The following RANBP2 variants were observed in gnomAD, a reference collection of about 807,000 sequenced individuals.
RANBP2 encodes the protein RAN binding protein 2.
RANBP2 carries 57 observed loss-of-function variants against 303.6 expected under a neutral mutation model. The observed-to-expected ratio is 0.19, with a 90% CI of 0.15 to 0.23. The LOEUF (loss-of-function observed/expected upper bound fraction) is 0.23, where lower values mean the gene tolerates loss of function less well. Among genes scored for constraint, RANBP2 ranks in the 10% least tolerant of loss-of-function variants. RANBP2 has a pLI of 1.00. For synonymous variants in RANBP2, 1,167 were observed against 1,301.5 expected (o/e 0.90, Z 2.23); for missense variants, 3,138 against 3,780.8 (o/e 0.83, Z 4.46).
chr2:109,456,171 C>G, the RANBP2 span, among the ~76,000 whole-genome samples: 1 of 152,222 alleles, frequency 6.6e-6, no homozygotes, highest in African/African-American at 2.4e-5. Flanking sequence ...TGGAAACCAC[C>G]TCTGCCCTGG....
At chr2:109,491,976 A>G in the RANBP2 span, among the ~76,000 whole-genome samples, 1 of 152,082 alleles carries the variant, frequency 6.6e-6, no homozygotes, top group Admixed American at 6.5e-5. Context: ...CTAGTTTTCT[A>G]TCCTCACATA....
At chr2:108,884,889 G>C in the RANBP2 span, 1 of 151,250 alleles carries the variant, frequency 6.6e-6, no homozygotes. Flanking sequence ...AAACACCTCT[G>C]CTCTGTGGCC....
At chr2:109,074,248 A>G in the RANBP2 span, among the ~76,000 whole-genome samples, 1 of 150,498 alleles carries the variant, frequency 6.6e-6, no homozygotes, top group Non-Finnish European at 1.5e-5. Flanking sequence ...AGGAGCCTGT[A>G]ATCCAGCTAC....
chr2:109,657,939 C>T, the RANBP2 span, among the ~76,000 whole-genome samples: 2 of 151,434 alleles, frequency 1.3e-5, no homozygotes, highest in Non-Finnish European at 2.9e-5. Flanking sequence ...AGGCTGGTCT[C>T]GAACTTCTGA....
the RANBP2 span, among the ~76,000 whole-genome samples, chr2:109,405,749 C>T: frequency 6.6e-6 from 1 of 152,236 alleles, no homozygotes; most frequent in South Asian, 2.1e-4. Context: ...GTCTCTTTGC[C>T]TACAGGACTT....
the RANBP2 span, among the ~76,000 whole-genome samples, chr2:108,844,826 C>A: frequency 4.0e-5 from 6 of 151,004 alleles, no homozygotes; most frequent in Admixed American, 4.0e-4. Context: ...CGGCTCACTG[C>A]AACCTCCGAC....
At chr2:109,618,645 T>C in the RANBP2 span, 1 of 166,942 alleles carries the variant, frequency 6.0e-6, no homozygotes, top group East Asian at 1.9e-4. Context: ...AAGCAAATGA[T>C]TGATATAATT....
chr2:109,437,159 G>T, the RANBP2 span: 1 of 1,602,036 alleles, frequency 6.2e-7, no homozygotes, highest in South Asian at 1.1e-5. Context: ...ACCTTCACAG[G>T]GGCCTCACCC....
At chr2:109,530,367 G>A in the RANBP2 span, among the ~76,000 whole-genome samples, 3 of 152,296 alleles carry the variant, frequency 2.0e-5, no homozygotes, top group East Asian at 3.9e-4. Context: ...AGGCTGTGGC[G>A]CCTCCACTCT....
chr2:109,003,530 C>T, the RANBP2 span, among the ~76,000 whole-genome samples: 3 of 151,992 alleles, frequency 2.0e-5, no homozygotes, highest in Non-Finnish European at 4.4e-5. Context: ...CCTGCCTCAG[C>T]CTCCCAAGTA....
chr2:108,740,697 G>A lies in RANBP2; in HGVS notation c.975+16G>A, dbSNP rs770370900. 1.9e-5 allele frequency: 30 copies of A among 1,597,462 alleles called. 1 individual carries two copies. Among genetic ancestry groups the A allele is most frequent in the South Asian group, 1.5e-4 (14 of 90,972 alleles). ...AGCATTTCAGGTAAGTCTTCCACTT[G>A]TAGGAGCAATTGACATTTCACTGAG... On this transcript the variant is annotated intron_variant, in intron 7 of 28. Transcript: ENST00000283195.
At chr2:109,406,610 TCA>T in the RANBP2 span, among the ~76,000 whole-genome samples, 2 of 151,714 alleles carry the variant, frequency 1.3e-5, no homozygotes, top group Admixed American at 6.6e-5. Flanking sequence ...TGGAACAGGG[TCA>T]CACACGCCCA....
the RANBP2 span, among the ~76,000 whole-genome samples, chr2:109,719,069 G>T: frequency 2.0e-5 from 3 of 149,428 alleles, no homozygotes; most frequent in African/African-American, 7.3e-5. Context: ...TGCCTGAGTG[G>T]GTAAATTGTG....
chr2:109,609,615 C>CA, the RANBP2 span, among the ~76,000 whole-genome samples: 1,407 of 97,890 alleles, frequency 0.014, 9 homozygotes, highest in Non-Finnish European at 0.021. Flanking sequence ...GACTCCGCCT[C>CA]AAAAAAAAAA....
At chr2:109,670,363 C>T in the RANBP2 span, among the ~76,000 whole-genome samples, 1 of 149,818 alleles carries the variant, frequency 6.7e-6, no homozygotes, top group Admixed American at 6.6e-5. Context: ...GGCCAGACTG[C>T]CCCTGGCGGG....
At chr2:108,967,335 A>AT in the RANBP2 span, among the ~76,000 whole-genome samples, 7 of 152,066 alleles carry the variant, frequency 4.6e-5, no homozygotes, top group Non-Finnish European at 1.0e-4. Flanking sequence ...AAAGGCTAGA[A>AT]TTTTTTTTAC....
the RANBP2 span, among the ~76,000 whole-genome samples, chr2:109,231,833 A>G: frequency 6.6e-6 from 1 of 152,106 alleles, no homozygotes; most frequent in South Asian, 2.1e-4. Context: ...CTCTAGCTGG[A>G]TTAGATATTT....
At chr2:108,848,589 A>G in the RANBP2 span, among the ~76,000 whole-genome samples, 1 of 152,240 alleles carries the variant, frequency 6.6e-6, no homozygotes, top group Admixed American at 6.5e-5. Flanking sequence ...CATATGGCTT[A>G]ATGTATAATA....
the RANBP2 span, among the ~76,000 whole-genome samples, chr2:109,571,346 G>A: frequency 3.1e-4 from 47 of 152,254 alleles, no homozygotes; most frequent in African/African-American, 9.9e-4. Context: ...TTGATGTTGC[G>A]TGAACATCAC....
Sources: allele counts gnomAD v4.1 joint callset (sites outside exome capture counted in the v4.1 genomes callset), GRCh38; gene constraint gnomAD v4.1.1; transcripts MANE v1.5; gene names NCBI Gene and HGNC (gene_info 2026-07-23, HGNC 2026-07-21).